The following GALNTL6 variants were observed in gnomAD, a reference collection of about 807,000 sequenced individuals.
The protein encoded by GALNTL6 is polypeptide N-acetylgalactosaminyltransferase-like 6.
A neutral mutation model predicts 73.7 loss-of-function variants in GALNTL6; 46 were observed. The ratio of observed to expected loss-of-function variants is 0.62; its 90% confidence interval spans 0.49 to 0.80. The LOEUF is 0.80. GALNTL6 is among the 30% of genes least tolerant of loss of function. The pLI, the probability that GALNTL6 is intolerant of heterozygous loss-of-function variation, is 0.00. For missense variants in GALNTL6, 604 were observed against 755.0 expected (o/e 0.80, Z 2.34); for synonymous variants, 259 against 263.7 (o/e 0.98, Z 0.17).
intron 7 of GALNTL6, among the ~76,000 whole-genome samples, chr4:172,821,607 A>AGCTTCT: frequency 6.6e-6 from 1 of 152,216 alleles, no homozygotes; most frequent in East Asian, 1.9e-4. Flanking sequence ...CAACAATGCC[A>AGCTTCT]GCTTCTGGTC....
intron 2 of GALNTL6, among the ~76,000 whole-genome samples, chr4:171,975,926 C>A (rs893205025): frequency 1.7e-5 from 2 of 118,124 alleles, no homozygotes; most frequent in Non-Finnish European, 4.3e-5. Context: ...TATATACAAG[C>A]GGCATTTTTT....
chr4:172,999,412 A>G (rs755190169), intron 10 of GALNTL6, among the ~76,000 whole-genome samples: 2 of 152,186 alleles, frequency 1.3e-5, no homozygotes, highest in South Asian at 2.1e-4. Flanking sequence ...AGCACCCTCT[A>G]TTAGCAAAAT....
At chr4:173,035,619 G>A (rs895153954) in intron 12 of GALNTL6, among the ~76,000 whole-genome samples, 5 of 152,160 alleles carry the variant, frequency 3.3e-5, no homozygotes, top group Non-Finnish European at 2.9e-5. Context: ...AAACTCAACT[G>A]ATGTGATTAA....
chr4:172,875,406 C>A (rs1745144701), intron 7 of GALNTL6, among the ~76,000 whole-genome samples: 1 of 152,176 alleles, frequency 6.6e-6, no homozygotes, highest in Admixed American at 6.5e-5. Context: ...GAACCCAAAT[C>A]TATACTTTAG....
chr4:172,958,337 G>A (rs1490906715), intron 10 of GALNTL6, among the ~76,000 whole-genome samples: 2 of 152,254 alleles, frequency 1.3e-5, no homozygotes, highest in African/African-American at 2.4e-5. Flanking sequence ...TAAGAATTCC[G>A]ACTGCACAGC....
chr4:172,961,948 AC>A (rs1750078071), intron 10 of GALNTL6, among the ~76,000 whole-genome samples: 1 of 152,242 alleles, frequency 6.6e-6, no homozygotes, highest in Admixed American at 6.5e-5. Flanking sequence ...TGTGTGAGCA[AC>A]AAGGCTGTTT....
At chr4:172,248,317 C>T (rs1343045251) in intron 3 of GALNTL6, among the ~76,000 whole-genome samples, 1 of 152,160 alleles carries the variant, frequency 6.6e-6, no homozygotes, top group African/African-American at 2.4e-5. Context: ...TGTAGATGCA[C>T]AGCAAGGGAC....
chr4:172,897,513 G>A (rs555435917), intron 8 of GALNTL6, among the ~76,000 whole-genome samples: 6 of 152,306 alleles, frequency 3.9e-5, no homozygotes, highest in South Asian at 2.1e-4. Flanking sequence ...GCTAACGTGC[G>A]AGGGTCCTTC....
intron 5 of GALNTL6, among the ~76,000 whole-genome samples, chr4:172,739,411 A>T (rs1167489685): frequency 1.3e-5 from 2 of 152,154 alleles, no homozygotes; most frequent in Non-Finnish European, 2.9e-5. Context: ...GGGTGTAGGA[A>T]GATAGGGAGA....
At chr4:172,623,697 C>T (rs969502578) in intron 5 of GALNTL6, among the ~76,000 whole-genome samples, 1 of 152,080 alleles carries the variant, frequency 6.6e-6, no homozygotes, top group Non-Finnish European at 1.5e-5. Flanking sequence ...TCTTGGCTGA[C>T]ATTCTACCAT....
chr4:172,450,441 A>G (rs1732170218), intron 5 of GALNTL6, among the ~76,000 whole-genome samples: 1 of 152,144 alleles, frequency 6.6e-6, no homozygotes, highest in African/African-American at 2.4e-5. Context: ...GGCTATTGTC[A>G]TCTTTCACTG....
rs182020901 is a variant in GALNTL6 at position 172,335,813 on chromosome 4, G to A, written c.387-12710G>A. 3.3e-5 allele frequency among the ~76,000 whole-genome samples: 5 copies of A among 152,172 alleles called. No homozygotes were observed. In the East Asian group the frequency reaches 9.7e-4, roughly 29 times the overall value. ...AGGGTCATCTTTGTTGTATCTAATTGTGCTTATTTGAACCTCTGTTTTTTC... is the reference window on the plus strand; with the variant it reads ...AGGGTCATCTTTGTTGTATCTAATTATGCTTATTTGAACCTCTGTTTTTTC... On this transcript the variant is annotated intron_variant, in intron 4 of 12. Transcript: ENST00000506823.
At chr4:172,979,618 T>G (rs144479411) in intron 10 of GALNTL6, among the ~76,000 whole-genome samples, 1 of 152,284 alleles carries the variant, frequency 6.6e-6, no homozygotes, top group East Asian at 1.9e-4. Context: ...CTTATGGAAT[T>G]TAAAAGCAGA....
intron 7 of GALNTL6, among the ~76,000 whole-genome samples, chr4:172,821,933 T>C (rs987816092): frequency 2.0e-5 from 3 of 152,174 alleles, no homozygotes; most frequent in African/African-American, 4.8e-5. Context: ...TGCTTGGCTC[T>C]GGAGGCCCCT....
At chr4:172,708,300 C>T (rs1387651064) in intron 5 of GALNTL6, among the ~76,000 whole-genome samples, 3 of 152,120 alleles carry the variant, frequency 2.0e-5, no homozygotes, top group Admixed American at 6.5e-5. Flanking sequence ...TCAAGTAATC[C>T]GCCCAACTTA....
chr4:171,932,423 C>T (rs1356174141), intron 2 of GALNTL6, among the ~76,000 whole-genome samples: 3 of 152,118 alleles, frequency 2.0e-5, no homozygotes, highest in Admixed American at 6.6e-5. Context: ...TGACTCTGTT[C>T]GTTATCAACT....
At chr4:172,660,058 T>G (rs1439369609) in intron 5 of GALNTL6, among the ~76,000 whole-genome samples, 1 of 152,234 alleles carries the variant, frequency 6.6e-6, no homozygotes, top group Non-Finnish European at 1.5e-5. Flanking sequence ...CAACCTTTCC[T>G]TCCTCCCCTT....
intron 5 of GALNTL6, among the ~76,000 whole-genome samples, chr4:172,359,040 C>G (rs1227188631): frequency 6.6e-6 from 1 of 151,986 alleles, no homozygotes; most frequent in Non-Finnish European, 1.5e-5. Flanking sequence ...GGTATGTACC[C>G]AAAGGAATAT....
chr4:171,856,302 A>C (rs1250946452), intron 2 of GALNTL6, among the ~76,000 whole-genome samples: 1 of 149,056 alleles, frequency 6.7e-6, no homozygotes, highest in Non-Finnish European at 1.5e-5. Flanking sequence ...TTAATTAGAG[A>C]CGGGGTTTTG....
Sources: gnomAD v4.1 joint callset for allele counts (sites outside exome capture counted in the v4.1 genomes callset) on GRCh38, gnomAD v4.1.1 for gene constraint, MANE v1.5 for transcripts, NCBI Gene and HGNC (gene_info 2026-07-23, HGNC 2026-07-21) for gene names.